Variants in NLRP12 observed in about 807,000 individuals in gnomAD.
The protein encoded by NLRP12 is NACHT, LRR and PYD domains-containing protein 12.
NLRP12 carries 108 observed loss-of-function variants against 91.2 expected under a neutral mutation model. The ratio of observed to expected loss-of-function variants is 1.18; its 90% CI spans 1.01 to 1.39. The LOEUF (loss-of-function observed/expected upper bound fraction) is 1.39, where lower values mean the gene tolerates loss of function less well. NLRP12 is among the 40% of genes most tolerant of loss of function. The pLI is 0.00. For missense variants in NLRP12, 1,530 were observed against 1,352.7 expected, an observed-to-expected ratio of 1.13 and a Z score of -2.06; for synonymous variants, 613 against 566.7, an observed-to-expected ratio of 1.08 and a Z score of -1.16.
In NLRP12 at chr19:53,798,267, G is replaced by A. The variant is rs771953294; in HGVS notation, c.2903C>T (p.Pro968Leu). 6.2e-7 allele frequency: 1 copy of A among 1,614,210 alleles called. No individual in the cohort carries two copies. Among genetic ancestry groups the A allele is most frequent in the Non-Finnish European group, 8.5e-7 (1 of 1,180,056 alleles). The change falls in exon 8 of 10, where the codon CCC (proline) becomes CTC (leucine). Residue 968 changes from proline (P) to leucine (L), a missense_variant. By Grantham distance (98) the Pro-to-Leu change is moderately conservative. Transcript: ENST00000324134. The part of the protein sequence containing the change: ...LWLLAEGLQH[P>L]ACRLQKLWLD... ...CCACAGTTTCTGGAGTCTGCAGGCG[G>A]GATGTTGCAGCCCCTCAGCCAGCAA...
intron 1 of NLRP12, 45 bp downstream of exon 1, chr19:53,823,841 G>C (rs889337626): frequency 1.9e-6 from 3 of 1,609,202 alleles, no homozygotes; most frequent in Non-Finnish European, 2.5e-6. Context: ...TGAGTCACTG[G>C]ACCCGGCTGG....
intron 8 of NLRP12, among the ~76,000 whole-genome samples, chr19:53,797,137 A>ATTTT (rs142973794): frequency 8.2e-4 from 123 of 150,730 alleles, no homozygotes; most frequent in Admixed American, 1.5e-3. Context: ...TTGAATTATT[A>ATTTT]TTTTTTTTTC....
In NLRP12 at chr19:53,810,527, A is replaced by G; in HGVS notation, c.1132T>C (p.Phe378Leu). The change falls in exon 3 of 10, where the codon TTC (phenylalanine) becomes CTC (leucine). Residue 378 changes from phenylalanine (F) to leucine (L), a missense_variant. Physicochemically the swap from Phe to Leu is conservative, Grantham distance 22 (BLOSUM62 0). Coordinates refer to ENST00000324134, the MANE Select transcript of NLRP12 (RefSeq NM_144687.4). ...TGGCCCGCCTGCTCTGCATTGTGGA[A>G]ATACTTGTAGAAGTATTCCTTCCTT... is the stretch of plus-strand genomic sequence containing the variant. ...AERKEYFYKY[F>L]HNAEQAGQVF... The G allele has an allele frequency of 1.2e-6, 2 of 1,614,092 alleles. No individual in the cohort carries two copies. Among genetic ancestry groups the G allele is most frequent in the Middle Eastern group, 1.6e-4 (1 of 6,062 alleles).
intron 2 of NLRP12, among the ~76,000 whole-genome samples, chr19:53,813,390 C>T (rs1257290724): frequency 6.7e-6 from 1 of 149,956 alleles, no homozygotes; most frequent in Non-Finnish European, 1.5e-5. Context: ...CAAGCTCCGC[C>T]TCCCAGGCTC....
intron 2 of NLRP12, among the ~76,000 whole-genome samples, chr19:53,812,544 G>C (rs929795668): frequency 6.6e-6 from 1 of 152,078 alleles, no homozygotes; most frequent in African/African-American, 2.4e-5. Context: ...CTGCCACATA[G>C]TGGATAGAGG....
intron 1 of NLRP12, among the ~76,000 whole-genome samples, chr19:53,819,317 T>C (rs2092210886): frequency 6.7e-6 from 1 of 149,388 alleles, no homozygotes; most frequent in Non-Finnish European, 1.5e-5. Flanking sequence ...TGATCTCGGC[T>C]CACTGCAACC....
Position 53,798,375 on chromosome 19 carries a change from C to G in NLRP12, c.2795G>C (p.Gly932Ala). The change falls in exon 8 of 10, where the codon GGT becomes GCT. Residue 932 changes from glycine to alanine, a missense_variant. Physicochemically the swap from Gly to Ala is moderately conservative, Grantham distance 60. Transcript: ENST00000324134. Reference sequence around the variant, plus strand: ...GTTGGCCTGGAGCACCACAGAAAGACCCTCACAGGCGGCAGAGCCCAGCCG... The same window carrying G: ...GTTGGCCTGGAGCACCACAGAAAGAGCCTCACAGGCGGCAGAGCCCAGCCG... The part of the protein sequence containing the change: ...ICRLGSAACE[G>A]LSVVLQANHN... The G allele has an allele frequency of 6.2e-7, 1 of 1,614,072 alleles. No individual in the cohort carries two copies. The highest frequency in any genetic ancestry group is 8.5e-7 in the Non-Finnish European group (1 of 1,180,016).
chr19:53,795,997 C>A lies in NLRP12; in HGVS notation c.2960G>T (p.Cys987Phe). The A allele has an allele frequency of 6.2e-7, 1 of 1,614,144 alleles. No homozygotes were observed. Among genetic ancestry groups the A allele is most frequent in the South Asian group, 1.1e-5 (1 of 91,090 alleles). Residue 987 changes from cysteine (C) to phenylalanine (F), a missense_variant, in exon 9 of 10, where the codon TGT becomes TTT. Cys to Phe is a radical substitution (Grantham distance 205). Transcript: ENST00000324134. ...LDSCGLTAKA[C>F]ENLYFTLGIN... ...CCCCAGGGTGAAGTAAAGATTCTCA[C>A]AAGCCTTGGCTGTGAGGCCACAGCT...
chr19:53,820,618 C>T (rs1476559515), intron 1 of NLRP12, among the ~76,000 whole-genome samples: 2 of 152,138 alleles, frequency 1.3e-5, no homozygotes, highest in Non-Finnish European at 2.9e-5. Flanking sequence ...CTGAGGCAGG[C>T]GGATCACTTC....
intron 7 of NLRP12, 67 bp downstream of exon 7, chr19:53,801,160 G>A (rs1471988324): frequency 1.1e-5 from 16 of 1,468,328 alleles, no homozygotes; most frequent in Non-Finnish European, 1.2e-5. Flanking sequence ...TGGCCTCCGT[G>A]GTCCCAGGTG....
intron 1 of NLRP12, among the ~76,000 whole-genome samples, chr19:53,823,405 TAA>T (rs1424077022): frequency 7.7e-6 from 1 of 129,408 alleles, no homozygotes; most frequent in Non-Finnish European, 1.6e-5. Flanking sequence ...AATATATATT[TAA>T]AATATATGTT....
At position 53,807,544 on chromosome 19, in the gene NLRP12, G is replaced by A. The variant is rs1214790566; in HGVS notation, c.2194C>T (p.Leu732=). ...GGGTGTCTGAGTCCTTGACAGAGCA[G>A]CTTCACCCCCCGGCTGCCCAGGGCA... ...RNALGSRGVK[L]LCQGLRHPNC... Residue 732 remains leucine (L), a synonymous_variant, in exon 4 of 10, where the codon CTG becomes TTG. Transcript: ENST00000324134. 1.2e-6 allele frequency: 2 copies of A among 1,614,156 alleles called. No individual in the cohort carries two copies. The highest frequency in any genetic ancestry group is 1.7e-6 in the Non-Finnish European group (2 of 1,180,038).
intron 2 of NLRP12, 36 bp downstream of exon 2, chr19:53,814,872 A>G: frequency 6.4e-7 from 1 of 1,551,742 alleles, no homozygotes; most frequent in Non-Finnish European, 8.9e-7. Flanking sequence ...TGCTCTGTGT[A>G]GATGAATACA....
intron 2 of NLRP12, among the ~76,000 whole-genome samples, chr19:53,814,630 C>T (rs1344364855): frequency 6.6e-6 from 1 of 152,166 alleles, no homozygotes; most frequent in Non-Finnish European, 1.5e-5. Flanking sequence ...GGATTACAGG[C>T]GTGAGCCACT....
chr19:53,823,354 A>G (rs2092288792), intron 1 of NLRP12, among the ~76,000 whole-genome samples: 1 of 136,330 alleles, frequency 7.3e-6, no homozygotes, highest in East Asian at 2.0e-4. Flanking sequence ...TATATACCAT[A>G]TTTAATATAT....
At chr19:53,809,047 G>A (rs2012491) in intron 3 of NLRP12, among the ~76,000 whole-genome samples, 10,729 of 151,778 alleles carry the variant, frequency 0.071, 501 homozygotes, top group East Asian at 0.16. Context: ...CTAACACAGC[G>A]AAACCCCATC....
chr19:53,823,460 TA>T (rs376319221), intron 1 of NLRP12, among the ~76,000 whole-genome samples: 1 of 111,196 alleles, frequency 9.0e-6, no homozygotes, highest in Non-Finnish European at 1.7e-5. Context: ...ATATATATTT[TA>T]AATATATATT....
chr19:53,801,204 G>A (rs750208650), intron 7 of NLRP12, 23 bp downstream of exon 7: 34 of 1,612,194 alleles, frequency 2.1e-5, no homozygotes, highest in African/African-American at 2.7e-5. Context: ...GACTCCTAGC[G>A]TGGTGAGCAA....
At position 53,810,362 on chromosome 19, in the gene NLRP12, C is replaced by T. The variant is rs1488544336; in HGVS notation, c.1297G>A (p.Ala433Thr). 1 of 1,613,566 alleles carries T rather than the reference C, an allele frequency of 6.2e-7. No homozygotes were observed. The highest frequency in any genetic ancestry group is 1.7e-5 in the Admixed American group (1 of 59,998). Residue 433 changes from alanine (A) to threonine (T), a missense_variant, in exon 3 of 10, where the codon GCA becomes ACA. Transcript: ENST00000324134. The stretch of plus-strand genomic sequence containing the variant: ...CTCAGCAGGTAGAGCATGTACACTG[C>T]AGTGGTGGTCCTGGACGTCTGTCTC... Reference protein sequence around the residue: ...LLRQTSRTTTAVYMLYLLSLM... With the variant: ...LLRQTSRTTTTVYMLYLLSLM...
Sources: allele counts gnomAD v4.1 joint callset (sites outside exome capture counted in the v4.1 genomes callset), GRCh38; gene constraint gnomAD v4.1.1; transcripts MANE v1.5; gene names NCBI Gene and HGNC (gene_info 2026-07-23, HGNC 2026-07-21).